The following KCNQ1 variants were observed in gnomAD, a reference collection of about 807,000 sequenced individuals.
The protein encoded by KCNQ1 is potassium voltage-gated channel subfamily KQT member 1.
A neutral mutation model predicts 72.4 loss-of-function variants in KCNQ1; 49 were observed. The observed-to-expected ratio is 0.68, with a 90% CI of 0.54 to 0.86. KCNQ1 has a LOEUF of 0.86. Among genes scored for constraint, KCNQ1 ranks in the 40% least tolerant of loss-of-function variants. KCNQ1 has a pLI of 0.00. For synonymous variants in KCNQ1, 450 were observed against 412.6 expected (o/e 1.09, Z -1.10); for missense variants, 790 against 945.1 (o/e 0.84, Z 2.15).
intron 12 of KCNQ1, among the ~76,000 whole-genome samples, chr11:2,773,090 G>A (rs1317716322): frequency 1.3e-5 from 2 of 152,214 alleles, no homozygotes; most frequent in African/African-American, 2.4e-5. Flanking sequence ...CCTTAAGGCA[G>A]AGCAAGGCAG....
At chr11:2,738,288 T>TTAC (rs1845992697) in intron 11 of KCNQ1, among the ~76,000 whole-genome samples, 2 of 151,822 alleles carry the variant, frequency 1.3e-5, no homozygotes, top group African/African-American at 4.8e-5. Flanking sequence ...AGCGGGTTCC[T>TTAC]TGGCCATGGG....
chr11:2,791,236 C>T (rs1480348860), intron 15 of KCNQ1, among the ~76,000 whole-genome samples: 3 of 152,130 alleles, frequency 2.0e-5, no homozygotes, highest in Non-Finnish European at 4.4e-5. Flanking sequence ...GAGCCCGCAG[C>T]GGCCGAGCCC....
Position 2,651,431 on chromosome 11 carries a change from C to T in KCNQ1, c.1394-10530C>T, listed in dbSNP as rs1849755170. 2 of 398,574 alleles carry T rather than the reference C, an allele frequency of 5.0e-6. No individual in the cohort carries two copies. The highest frequency in any genetic ancestry group is 8.8e-5 in the Admixed American group (2 of 22,718). 24.7% of individuals were successfully genotyped at this position (398,574 alleles called of 1,614,324 possible). Reference sequence around the variant, plus strand: ...CTTTTGGCCTGCCCTGTGTGCAGCTCAGCAAGTGCCTGAAGTCAGAGGTAG... The same window carrying T: ...CTTTTGGCCTGCCCTGTGTGCAGCTTAGCAAGTGCCTGAAGTCAGAGGTAG... On this transcript the variant is annotated intron_variant, in intron 10 of 15. Coordinates refer to ENST00000155840, the MANE Select transcript of KCNQ1 (RefSeq NM_000218.3). The surrounding 1 kb of genome is among the most constrained non-coding windows in gnomAD (Gnocchi z 6.1).
intron 10 of KCNQ1, chr11:2,625,925 G>A (rs1849254560): frequency 2.5e-6 from 1 of 398,406 alleles, no homozygotes; most frequent in African/African-American, 2.1e-5. Context: ...GAAGTTCTCT[G>A]TATAATCTGG....
chr11:2,798,124 AGTGCCCCCACTT>A (rs965760971), intron 15 of KCNQ1, among the ~76,000 whole-genome samples: 4 of 135,352 alleles, frequency 3.0e-5, no homozygotes, highest in African/African-American at 8.0e-5. Context: ...TCCCACCCTC[AGTGCCCCCACTT>A]GTGGCCCAGG....
chr11:2,671,163 A>G lies in KCNQ1; in HGVS notation c.1514+9082A>G. 1 of 398,646 alleles carries G rather than the reference A, an allele frequency of 2.5e-6. No individual in the cohort carries two copies. The highest frequency in any genetic ancestry group is 4.4e-6 in the Non-Finnish European group (1 of 226,090). The allele number at this position is 398,646 out of a possible 1,614,324, so 24.7% of individuals were successfully genotyped here. ...GGGAGGCCTGAGGTGCCATCTTAGA[A>G]ATAGGGCCTTGTTAGGAGAAAAGGA... On this transcript the variant is annotated intron_variant, in intron 11 of 15. Coordinates refer to ENST00000155840, the MANE Select transcript of KCNQ1 (RefSeq NM_000218.3). This position sits in a 1 kb window ranked among gnomAD's most constrained non-coding sequence, Gnocchi z 4.7.
chr11:2,536,235 T>C lies in KCNQ1; in HGVS notation c.477+8217T>C, dbSNP rs537793817. Among the ~76,000 whole-genome samples the C allele has an allele frequency of 6.6e-6, 1 of 152,296 alleles. No homozygotes were observed. The highest frequency in any genetic ancestry group is 1.9e-4 in the East Asian group (1 of 5,162). ...ACGGTGTTAAGGGATTCTAGAAATTTCCTGCTGTGCCAGGCTGCAGCAGAG... is the reference window on the plus strand; with the variant it reads ...ACGGTGTTAAGGGATTCTAGAAATTCCCTGCTGTGCCAGGCTGCAGCAGAG... On this transcript the variant is annotated intron_variant, in intron 2 of 15. Transcript: ENST00000155840. The surrounding 1 kb of genome is among the most constrained non-coding windows in gnomAD (Gnocchi z 7.4).
At chr11:2,629,976 G>C (rs1484080565) in intron 10 of KCNQ1, 1 of 396,634 alleles carries the variant, frequency 2.5e-6, no homozygotes, top group African/African-American at 2.1e-5. Flanking sequence ...GAAGTGGTGA[G>C]AATATCTTTT....
Position 2,678,705 on chromosome 11 carries a change from A to G in KCNQ1, c.1514+16624A>G. 2.5e-6 allele frequency: 1 copy of G among 398,620 alleles called. No homozygotes were observed. The highest frequency in any genetic ancestry group is 3.6e-5 in the East Asian group (1 of 28,074). The allele number at this position is 398,620 out of a possible 1,614,324, so 24.7% of individuals were successfully genotyped here. A position where few individuals can be genotyped will look rare whatever the true frequency, so the allele number is the denominator to read the frequency against. The stretch of plus-strand genomic sequence containing the variant: ...CATGGCCTAAGATCTAAACACTCTT[A>G]AGATTTAAACACAGGATTAGCTCTT... On this transcript the variant is annotated intron_variant, in intron 11 of 15. Transcript: ENST00000155840. The surrounding 1 kb of genome is among the most constrained non-coding windows in gnomAD (Gnocchi z 4.9).
Position 2,816,059 on chromosome 11 carries a change from C to T in KCNQ1, c.1795-31708C>T, listed in dbSNP as rs140087833. ...CCGTTAGATGAATGTGGACGGCTGG[C>T]GGCCGGGGCTTGGGAGATCAAGAAG... On this transcript the variant is annotated intron_variant, in intron 15 of 15. Coordinates refer to ENST00000155840, the MANE Select transcript of KCNQ1 (RefSeq NM_000218.3). The surrounding 1 kb of genome is among the most constrained non-coding windows in gnomAD (Gnocchi z 6.8). Among the ~76,000 whole-genome samples the T allele has an allele frequency of 1.4e-3, 213 of 152,262 alleles. No homozygotes were observed. Among genetic ancestry groups the T allele is most frequent in the African/African-American group, 4.7e-3 (197 of 41,528 alleles).
At chr11:2,738,177 A>C (rs1380986108) in intron 11 of KCNQ1, among the ~76,000 whole-genome samples, 1 of 150,602 alleles carries the variant, frequency 6.6e-6, no homozygotes, top group Non-Finnish European at 1.5e-5. Context: ...ACGAGGGCAG[A>C]AGTGAGCCCC....
In KCNQ1 at chr11:2,781,853, T is replaced by C. The variant is rs902995141; in HGVS notation, c.1794+3816T>C. The stretch of plus-strand genomic sequence containing the variant: ...TTTCCATGCCGCAGTTCAGAAAGCG[T>C]TGGGCGGGAAGGGGCCCCCACCACC... On this transcript the variant is annotated intron_variant, in intron 15 of 15. Transcript: ENST00000155840. This position sits in a 1 kb window ranked among gnomAD's most constrained non-coding sequence, Gnocchi z 6.6. 3.3e-5 allele frequency among the ~76,000 whole-genome samples: 5 copies of C among 152,058 alleles called. No individual in the cohort carries two copies. The highest frequency in any genetic ancestry group is 9.7e-5 in the African/African-American group (4 of 41,408).
At position 2,462,832 on chromosome 11, in the gene KCNQ1, G is replaced by T. The variant is rs766496798; in HGVS notation, c.386+17348G>T. ...GTAGACCCTTGACCCTCCCTGGGCTGGTGAGTCGGGGCCCAGCCCAGAGTG... is the reference window on the plus strand; with the variant it reads ...GTAGACCCTTGACCCTCCCTGGGCTTGTGAGTCGGGGCCCAGCCCAGAGTG... On this transcript the variant is annotated intron_variant, in intron 1 of 15. Transcript: ENST00000155840. This position sits in a 1 kb window ranked among gnomAD's most constrained non-coding sequence, Gnocchi z 8.2. 2.0e-5 allele frequency among the ~76,000 whole-genome samples: 3 copies of T among 152,178 alleles called. No homozygotes were observed. The highest frequency in any genetic ancestry group is 4.4e-5 in the Non-Finnish European group (3 of 68,022).
rs951447074 is a variant in KCNQ1, at chr11:2,745,803, C to T, written c.1515-23041C>T. Among the ~76,000 whole-genome samples, 4 of 152,262 alleles carry T rather than the reference C, an allele frequency of 2.6e-5. No homozygotes were observed. Among genetic ancestry groups the T allele is most frequent in the East Asian group, 3.8e-4 (2 of 5,196 alleles). ...CGAGGGCCGCCTTCAGGCCTGAGCC[C>T]GGGGCCAGGACCAGGAGCAGGCGGC... On this transcript the variant is annotated intron_variant, in intron 11 of 15. Coordinates refer to ENST00000155840, the MANE Select transcript of KCNQ1 (RefSeq NM_000218.3). The surrounding 1 kb of genome is among the most constrained non-coding windows in gnomAD (Gnocchi z 6.2).
intron 15 of KCNQ1, among the ~76,000 whole-genome samples, chr11:2,844,683 C>T: frequency 6.6e-6 from 1 of 152,236 alleles, no homozygotes. Flanking sequence ...CTGCCTGCGG[C>T]CCTGACACCC....
chr11:2,677,902 G>A lies in KCNQ1; in HGVS notation c.1514+15821G>A, dbSNP rs187251971. On this transcript the variant is annotated intron_variant, in intron 11 of 15. Transcript: ENST00000155840. The surrounding 1 kb of genome is among the most constrained non-coding windows in gnomAD (Gnocchi z 4.5). ...CTTTCTTCCCCCACCCTTACCAAGT[G>A]TATACTCAGGTTTTTATCTTCATTC... 9 of 398,484 alleles carry A rather than the reference G, an allele frequency of 2.3e-5. No homozygotes were observed. Among genetic ancestry groups the A allele is most frequent in the East Asian group, 1.4e-4 (4 of 28,044 alleles). 24.7% of individuals were successfully genotyped at this position (398,484 alleles called of 1,614,324 possible).
rs1848704005 is a variant in KCNQ1 at position 2,593,992 on chromosome 11, A to G, written c.1393+5138A>G. Among the ~76,000 whole-genome samples, 1 of 152,122 alleles carries G rather than the reference A, an allele frequency of 6.6e-6. No homozygotes were observed. Among genetic ancestry groups the G allele is most frequent in the South Asian group, 2.1e-4 (1 of 4,828 alleles). ...GTTTCCTGGGCCTTTGTTGCCCAGT[A>G]TTTTGGTTTTGTCTTTTAAACAATC... On this transcript the variant is annotated intron_variant, in intron 10 of 15. Transcript: ENST00000155840. The surrounding 1 kb of genome is among the most constrained non-coding windows in gnomAD (Gnocchi z 6.9).
intron 11 of KCNQ1, chr11:2,694,621 A>G: frequency 2.5e-6 from 1 of 398,602 alleles, no homozygotes; most frequent in Non-Finnish European, 4.4e-6. Flanking sequence ...CAATAAATGA[A>G]TGAAACCATT....
chr11:2,652,420 C>T lies in KCNQ1; in HGVS notation c.1394-9541C>T. 2.5e-6 allele frequency: 1 copy of T among 398,556 alleles called. No homozygotes were observed. Among genetic ancestry groups the T allele is most frequent in the Non-Finnish European group, 4.4e-6 (1 of 226,054 alleles). 24.7% of individuals were successfully genotyped at this position (398,556 alleles called of 1,614,324 possible). ...TTTTTTTCTTCCTGTGTAATTTTGT[C>T]TTGAAAATCAAGGCCACTTTTTTGT... On this transcript the variant is annotated intron_variant, in intron 10 of 15. Transcript: ENST00000155840. This position sits in a 1 kb window ranked among gnomAD's most constrained non-coding sequence, Gnocchi z 5.9.
Sources: gnomAD v4.1 joint callset for allele counts (sites outside exome capture counted in the v4.1 genomes callset) on GRCh38, gnomAD v4.1.1 for gene constraint, Gnocchi (gnomAD v3.1) non-coding constraint, MANE v1.5 for transcripts, NCBI Gene and HGNC (gene_info 2026-07-23, HGNC 2026-07-21) for gene names.